Variants in ZNF44 observed in about 807,000 individuals in gnomAD.
ZNF44 encodes the protein gonadotropin inducible transcription repressor-2.
ZNF44 carries 9 observed loss-of-function variants against 11.7 expected under a neutral mutation model. That is an observed-to-expected ratio of 0.77 (90% CI 0.46 to 1.35). ZNF44 has a LOEUF of 1.35. Ranked by LOEUF, ZNF44 falls within the 40% of genes most tolerant of loss-of-function variation. The pLI, the probability that ZNF44 is intolerant of heterozygous loss-of-function variation, is 0.00. For synonymous variants in ZNF44, 224 were observed against 242.7 expected (o/e 0.92, Z 0.72); for missense variants, 696 against 743.1 (o/e 0.94, Z 0.74).
chr19:12,227,336 G>C (rs2459023), intron 3 of ZNF44, among the ~76,000 whole-genome samples: 62,393 of 152,120 alleles, frequency 0.41, 17,023 homozygotes, highest in African/African-American at 0.79. Flanking sequence ...CGTGGTGGCT[G>C]ATGCCTGTAA....
intron 2 of ZNF44, among the ~76,000 whole-genome samples, chr19:12,231,610 T>A (rs1033400747): frequency 6.6e-6 from 1 of 152,144 alleles, no homozygotes; most frequent in African/African-American, 2.4e-5. Context: ...GAAAGACAAT[T>A]CACAGGAGAT....
chr19:12,246,063 C>G (rs773011246), downstream of ZNF44, among the ~76,000 whole-genome samples: 8 of 152,226 alleles, frequency 5.3e-5, no homozygotes, highest in Non-Finnish European at 1.0e-4. Context: ...CCCTATGCAT[C>G]TGTCTGTCTC....
chr19:12,258,398 C>G (rs1917358415), intron 5 of ZNF44, among the ~76,000 whole-genome samples: 1 of 149,672 alleles, frequency 6.7e-6, no homozygotes, highest in Non-Finnish European at 1.5e-5. Flanking sequence ...ACCATACAAC[C>G]ATTAATGGTT....
At chr19:12,264,425 C>A (rs897138768) in intron 5 of ZNF44, among the ~76,000 whole-genome samples, 1 of 152,126 alleles carries the variant, frequency 6.6e-6, no homozygotes, top group Admixed American at 6.5e-5. Flanking sequence ...ACTAGTCATG[C>A]GGCTTTAGAA....
intron 1 of ZNF44, among the ~76,000 whole-genome samples, chr19:12,287,051 A>AAT (rs148270912): frequency 0.027 from 3,943 of 148,578 alleles, 55 homozygotes; most frequent in Non-Finnish European, 0.041. Context: ...ACACACGTAT[A>AAT]ATATATATAT....
At chr19:12,281,705 T>C (rs1377053780) in intron 1 of ZNF44, among the ~76,000 whole-genome samples, 2 of 152,180 alleles carry the variant, frequency 1.3e-5, no homozygotes, top group Non-Finnish European at 2.9e-5. Flanking sequence ...GAGCCATCAC[T>C]ACTACTCCCA....
downstream of ZNF44, among the ~76,000 whole-genome samples, chr19:12,246,146 C>CT (rs1196483549): frequency 6.6e-6 from 1 of 152,168 alleles, no homozygotes; most frequent in African/African-American, 2.4e-5. Context: ...CAGGCTACTG[C>CT]TGAATTCCAG....
downstream of ZNF44, among the ~76,000 whole-genome samples, chr19:12,246,465 G>T (rs976635008): frequency 2.0e-5 from 3 of 152,120 alleles, no homozygotes; most frequent in Non-Finnish European, 4.4e-5. Context: ...ATATATAATG[G>T]ATAAGGGAAA....
chr19:12,266,053 G>A (rs553431810), intron 5 of ZNF44, among the ~76,000 whole-genome samples: 1 of 152,302 alleles, frequency 6.6e-6, no homozygotes, highest in East Asian at 1.9e-4. Context: ...CTCTGGGGCT[G>A]GGGGCGAAGT....
At chr19:12,248,160 C>T (rs763413757) in exon 8 of ZNF44, 97 of 1,301,564 alleles carry the variant, frequency 7.5e-5, no homozygotes, top group Middle Eastern at 2.1e-4. Context: ...AGCAGAATGG[C>T]GGTAAATGAA....
chr19:12,241,733 C>T (rs1057394501), upstream of ZNF44, among the ~76,000 whole-genome samples: 5 of 152,074 alleles, frequency 3.3e-5, no homozygotes, highest in African/African-American at 9.7e-5. Flanking sequence ...CAGACACATA[C>T]GCACTGATTT....
At chr19:12,293,093 C>T in intron 1 of ZNF44, 10 of 1,002,958 alleles carry the variant, frequency 1.0e-5, no homozygotes, top group Non-Finnish European at 1.4e-5. Flanking sequence ...TGGTCTTGAA[C>T]CCCTGACCTC....
Position 12,273,082 on chromosome 19 carries a change from G to A in ZNF44, c.1173C>T (p.Gly391=), listed in dbSNP as rs767591429. Residue 391 remains glycine, a synonymous_variant, in exon 4 of 4, where the codon GGC becomes GGT. Coordinates refer to ENST00000355684, the MANE Select transcript of ZNF44 (RefSeq NM_016264.4). The part of the protein sequence containing the change: ...RRHMMAHTGD[G]PHKCTVCGKA... ...TCCCACATACTGTGCATTTATGAGG[G>A]CCATCTCCAGTGTGTGCCATCATGT... is the stretch of plus-strand genomic sequence containing the variant. The A allele has an allele frequency of 6.2e-7, 1 of 1,613,296 alleles. No individual in the cohort carries two copies. Among genetic ancestry groups the A allele is most frequent in the Non-Finnish European group, 8.5e-7 (1 of 1,179,776 alleles).
Position 12,273,816 on chromosome 19 carries a change from C to T in ZNF44, c.439G>A (p.Gly147Arg), listed in dbSNP as rs900549154. The T allele has an allele frequency of 8.7e-6, 14 of 1,614,150 alleles. No homozygotes were observed. Among genetic ancestry groups the T allele is most frequent in the Non-Finnish European group, 1.1e-5 (13 of 1,180,026 alleles). ...GAGTGGCGATAACTTAAGCCTTTCC[C>T]ACACTGCTTATGTGTATATGACTTC... ...AEKSYTHKQC[G>R]KGLSYRHSFQ... Residue 147 changes from glycine to arginine, a missense_variant, in exon 4 of 4, where the codon GGG becomes AGG. Coordinates refer to ENST00000355684, the MANE Select transcript of ZNF44 (RefSeq NM_016264.4).
At chr19:12,265,467 T>C (rs1328600729) in intron 5 of ZNF44, among the ~76,000 whole-genome samples, 1 of 152,174 alleles carries the variant, frequency 6.6e-6, no homozygotes, top group African/African-American at 2.4e-5. Flanking sequence ...TGGAAATATT[T>C]TGTACCATCC....
chr19:12,242,437 G>A (rs374928266), upstream of ZNF44, among the ~76,000 whole-genome samples: 18 of 151,598 alleles, frequency 1.2e-4, no homozygotes, highest in African/African-American at 4.4e-4. Flanking sequence ...GTGAACCTGG[G>A]AGGCGGAGCT....
chr19:12,226,778 C>G (rs1915935834), intron 3 of ZNF44, among the ~76,000 whole-genome samples: 1 of 152,178 alleles, frequency 6.6e-6, no homozygotes, highest in South Asian at 2.1e-4. Flanking sequence ...TTAAAAAGAT[C>G]ACTCCAGGCT....
chr19:12,225,970 A>C (rs55933123), downstream of ZNF44, among the ~76,000 whole-genome samples: 2 of 152,256 alleles, frequency 1.3e-5, no homozygotes. Context: ...AAAAATTAGA[A>C]TTTAATTTAA....
At chr19:12,242,730 T>C (rs1916664753), downstream of ZNF44, 1 of 150,100 alleles carries the variant, frequency 6.7e-6, no homozygotes, top group Non-Finnish European at 1.5e-5. Flanking sequence ...TGTGCACCTG[T>C]AGTCCCAGCT....
Sources: allele counts gnomAD v4.1 joint callset (sites outside exome capture counted in the v4.1 genomes callset), GRCh38; gene constraint gnomAD v4.1.1; transcripts MANE v1.5; gene names NCBI Gene and HGNC (gene_info 2026-07-23, HGNC 2026-07-21).